The following DPP10 variants were observed in gnomAD, a reference collection of about 807,000 sequenced individuals.
DPP10 encodes inactive dipeptidyl peptidase 10.
DPP10 carries 33 observed loss-of-function variants against 120.9 expected under a neutral mutation model. The observed-to-expected ratio is 0.27, with a 90% confidence interval of 0.21 to 0.37. DPP10 has a LOEUF of 0.37. Among genes scored for constraint, DPP10 ranks in the 10% least tolerant of loss-of-function variants. The probability of loss-of-function intolerance (pLI) is 1.00; values close to 1 mark genes in which losing one functional copy is unlikely to be tolerated. For missense variants in DPP10, 816 were observed against 942.8 expected (o/e 0.87, Z 1.76); for synonymous variants, 337 against 326.1 (o/e 1.03, Z -0.36).
intron 2 of DPP10, among the ~76,000 whole-genome samples, chr2:115,340,956 C>T (rs1335491259): frequency 6.6e-6 from 1 of 151,836 alleles, no homozygotes; most frequent in African/African-American, 2.4e-5. Context: ...TCTGATTAGA[C>T]AAAATAATGG....
intron 3 of DPP10, among the ~76,000 whole-genome samples, chr2:115,379,165 G>C (rs1376437756): frequency 2.0e-5 from 3 of 152,164 alleles, no homozygotes; most frequent in African/African-American, 7.2e-5. Flanking sequence ...GAATTCAGCT[G>C]TGAATCCATC....
At chr2:115,049,723 A>G (rs1705324985) in intron 1 of DPP10, among the ~76,000 whole-genome samples, 1 of 152,212 alleles carries the variant, frequency 6.6e-6, no homozygotes, top group South Asian at 2.1e-4. Context: ...GTGTGAAGAA[A>G]ATAGTACATT....
chr2:114,568,947 A>T (rs1689416872), intron 1 of DPP10, among the ~76,000 whole-genome samples: 1 of 152,192 alleles, frequency 6.6e-6, no homozygotes, highest in Admixed American at 6.5e-5. Context: ...AATAGAATTT[A>T]TGTGTTTTTA....
At chr2:114,529,431 A>G (rs1056318167) in intron 1 of DPP10, among the ~76,000 whole-genome samples, 3 of 152,112 alleles carry the variant, frequency 2.0e-5, no homozygotes, top group East Asian at 1.9e-4. Context: ...TGATCTTAAT[A>G]TTGACAGAAA....
chr2:115,302,677 T>A (rs2061193178), intron 1 of DPP10, among the ~76,000 whole-genome samples: 1 of 152,056 alleles, frequency 6.6e-6, no homozygotes, highest in Non-Finnish European at 1.5e-5. Flanking sequence ...TTGCTTGGCA[T>A]TTCTAACAAG....
chr2:115,184,677 T>A (rs2054308415), intron 1 of DPP10, among the ~76,000 whole-genome samples: 1 of 152,236 alleles, frequency 6.6e-6, no homozygotes, highest in Non-Finnish European at 1.5e-5. Context: ...GAAAAGCAGC[T>A]GTTTATCTCT....
In DPP10 at chr2:115,676,157, A is replaced by G. The variant is rs553962383; in HGVS notation, c.442-13530A>G. The stretch of plus-strand genomic sequence containing the variant: ...CAGCAGAGATGCCATGAACTTGTGC[A>G]TTTACTTGAAGGGTCTGAAGGCTGG... On this transcript the variant is annotated intron_variant, in intron 5 of 25. Coordinates refer to ENST00000410059, the MANE Select transcript of DPP10 (RefSeq NM_020868.6). Among the ~76,000 whole-genome samples the G allele has an allele frequency of 3.3e-5, 5 of 152,310 alleles. No homozygotes were observed. The South Asian group carries it at 8.3e-4, about 25-fold the overall frequency.
rs552873191 is a variant in DPP10 at position 115,308,699 on chromosome 2, T to G, written c.61-540T>G. ...ATTTAGTTAACTAAATCCTGTTTTT[T>G]TTTTTTTTTTTTTTTTATGAGTGGT... is the stretch of plus-strand genomic sequence containing the variant. On this transcript the variant is annotated intron_variant, in intron 1 of 25. Coordinates refer to ENST00000410059, the MANE Select transcript of DPP10 (RefSeq NM_020868.6). Among the ~76,000 whole-genome samples the G allele has an allele frequency of 5.1e-5, 7 of 138,276 alleles. No individual in the cohort carries two copies. In the South Asian group the frequency reaches 1.3e-3, roughly 27 times the overall value. The allele number at this position is 138,276 out of a possible 152,430, so 90.7% of individuals were successfully genotyped here.
intron 1 of DPP10, among the ~76,000 whole-genome samples, chr2:115,057,079 G>T (rs1449780932): frequency 1.3e-5 from 2 of 152,118 alleles, no homozygotes; most frequent in Non-Finnish European, 2.9e-5. Flanking sequence ...AAAAAATTCT[G>T]TATCTTTAAT....
chr2:115,624,973 G>T (rs2085245028), intron 5 of DPP10, among the ~76,000 whole-genome samples: 1 of 151,810 alleles, frequency 6.6e-6, no homozygotes, highest in African/African-American at 2.4e-5. Flanking sequence ...AACATTTAGA[G>T]TGGAGTTCCC....
chr2:114,863,755 T>C (rs1230013298), intron 1 of DPP10, among the ~76,000 whole-genome samples: 1 of 152,236 alleles, frequency 6.6e-6, no homozygotes, highest in African/African-American at 2.4e-5. Flanking sequence ...TTTCCATCTA[T>C]TTGTTTACAA....
chr2:115,601,955 AC>A (rs1261314014), intron 5 of DPP10, among the ~76,000 whole-genome samples: 1 of 151,958 alleles, frequency 6.6e-6, no homozygotes, highest in Non-Finnish European at 1.5e-5. Context: ...TGCTGGGATT[AC>A]AGGTGTGAGC....
intron 5 of DPP10, among the ~76,000 whole-genome samples, chr2:115,542,315 A>G (rs1006916457): frequency 6.6e-6 from 1 of 151,914 alleles, no homozygotes; most frequent in Non-Finnish European, 1.5e-5. Context: ...TGATATATAA[A>G]CAGAATCATG....
intron 3 of DPP10, among the ~76,000 whole-genome samples, chr2:115,484,442 G>A (rs1433169666): frequency 6.6e-6 from 1 of 152,030 alleles, no homozygotes; most frequent in East Asian, 1.9e-4. Context: ...TGTGATTTAG[G>A]TTTGTGCCTA....
chr2:114,982,533 A>T (rs1350015765), intron 1 of DPP10, among the ~76,000 whole-genome samples: 1 of 152,188 alleles, frequency 6.6e-6, no homozygotes, highest in Non-Finnish European at 1.5e-5. Flanking sequence ...AAAATTAATG[A>T]AGCTTCAGCA....
intron 1 of DPP10, among the ~76,000 whole-genome samples, chr2:114,995,446 A>G (rs1230553539): frequency 6.6e-6 from 1 of 151,846 alleles, no homozygotes; most frequent in East Asian, 1.9e-4. Flanking sequence ...TGAGTGCTGT[A>G]TCTTATTTCT....
chr2:115,148,164 C>T (rs2051335055), intron 1 of DPP10, among the ~76,000 whole-genome samples: 1 of 152,190 alleles, frequency 6.6e-6, no homozygotes, highest in African/African-American at 2.4e-5. Context: ...ATTAATTGTT[C>T]TCTATATAAC....
chr2:115,074,410 G>C (rs1559062469), intron 1 of DPP10, among the ~76,000 whole-genome samples: 2 of 152,164 alleles, frequency 1.3e-5, no homozygotes, highest in East Asian at 3.9e-4. Context: ...TTATTCCAAA[G>C]ATGCTGCACT....
chr2:114,760,681 C>G (rs1680203106), intron 1 of DPP10, among the ~76,000 whole-genome samples: 1 of 151,934 alleles, frequency 6.6e-6, no homozygotes, highest in Non-Finnish European at 1.5e-5. Context: ...AGTTATTTAA[C>G]TTAGGATAAT....
Sources: gnomAD v4.1 joint callset for allele counts (sites outside exome capture counted in the v4.1 genomes callset) on GRCh38, gnomAD v4.1.1 for gene constraint, MANE v1.5 for transcripts, NCBI Gene and HGNC (gene_info 2026-07-23, HGNC 2026-07-21) for gene names.